ESR2: variants seen among roughly 807,000 people sequenced by gnomAD.
ESR2 encodes the protein estrogen receptor beta.
Under a neutral mutation model 49.6 loss-of-function variants are expected in ESR2, and 36 were observed. The observed-to-expected ratio is 0.73, with a 90% CI of 0.56 to 0.96. The LOEUF is 0.96. Ranked by LOEUF, ESR2 falls within the 40% of genes least tolerant of loss-of-function variation. ESR2 has a pLI of 0.00. For synonymous variants in ESR2, 320 were observed against 266.1 expected, an observed-to-expected ratio of 1.20 and a Z score of -1.97; for missense variants, 714 against 693.0, an observed-to-expected ratio of 1.03 and a Z score of -0.34.
chr14:64,234,049 A>C (rs2098729956), intron 8 of ESR2: 1 of 152,150 alleles, frequency 6.6e-6, no homozygotes, highest in African/African-American at 2.4e-5. Flanking sequence ...AATTTCTGCC[A>C]CTCTGTTCAT....
chr14:64,271,562 G>A (rs1484016978), intron 3 of ESR2, among the ~76,000 whole-genome samples: 2 of 152,200 alleles, frequency 1.3e-5, no homozygotes, highest in African/African-American at 4.8e-5. Flanking sequence ...CTGAGCTCAG[G>A]CAATCTGCCT....
intron 2 of ESR2, among the ~76,000 whole-genome samples, chr14:64,280,791 C>A (rs1454098265): frequency 5.3e-5 from 8 of 152,242 alleles, no homozygotes; most frequent in East Asian, 3.8e-4. Context: ...GGGCGTATCA[C>A]CTGAGGCCAG....
At chr14:64,304,456 CA>C (rs1285890289) in intron 1 of ESR2, among the ~76,000 whole-genome samples, 2 of 152,150 alleles carry the variant, frequency 1.3e-5, no homozygotes, top group African/African-American at 4.8e-5. Flanking sequence ...AAAAACAAGG[CA>C]AAAGTTGCAG....
intron 1 of ESR2, among the ~76,000 whole-genome samples, chr14:64,290,905 T>G (rs149257351): frequency 1.3e-5 from 2 of 152,188 alleles, no homozygotes; most frequent in Non-Finnish European, 2.9e-5. Flanking sequence ...TTGGCGCTTA[T>G]TTAGTTGGAT....
At position 64,231,543 on chromosome 14, in the gene ESR2, A is replaced by G. The variant is rs974630189; in HGVS notation, c.*1594T>C. The G allele has an allele frequency of 6.6e-6, 1 of 152,226 alleles. No homozygotes were observed. Among genetic ancestry groups the G allele is most frequent in the African/African-American group, 2.4e-5 (1 of 41,448 alleles). 9.4% of individuals were successfully genotyped at this position (152,226 alleles called of 1,614,324 possible). ...TTTCTGAAACAGCTAAGCTCAACTT[A>G]TAGTAAAATTGCACCAATATCAAAA... On this transcript the variant is annotated 3_prime_UTR_variant, in exon 9 of 9. Transcript: ENST00000341099.
chr14:64,293,079 A>G (rs1289600025), intron 1 of ESR2, among the ~76,000 whole-genome samples: 1 of 152,222 alleles, frequency 6.6e-6, no homozygotes, highest in African/African-American at 2.4e-5. Context: ...AGATCCTTAT[A>G]GTTTCCTTCT....
intron 7 of ESR2, among the ~76,000 whole-genome samples, chr14:64,248,505 C>CA (rs56108535): frequency 0.13 from 11,167 of 86,992 alleles, 866 homozygotes; most frequent in African/African-American, 0.24. Flanking sequence ...GATCCTGTCT[C>CA]AAAAAAAAAA....
At chr14:64,240,666 T>C (rs2075702112) in intron 7 of ESR2, among the ~76,000 whole-genome samples, 1 of 152,250 alleles carries the variant, frequency 6.6e-6, no homozygotes, top group South Asian at 2.1e-4. Flanking sequence ...TGCAAGTTTT[T>C]GCATTCAGTA....
rs1166141385 is a variant in ESR2, at chr14:64,294,234, G to C, written c.-292C>G. 2 of 152,246 alleles carry C rather than the reference G, an allele frequency of 1.3e-5. No individual in the cohort carries two copies. The highest frequency in any genetic ancestry group is 2.4e-5 in the African/African-American group (1 of 41,424). The allele number at this position is 152,246 out of a possible 1,614,324, so 9.4% of individuals were successfully genotyped here. On this transcript the variant is annotated 5_prime_UTR_variant, in exon 1 of 9. Coordinates refer to ENST00000341099, the MANE Select transcript of ESR2 (RefSeq NM_001437.3). ...GCTCGGGTGGTCCCTCCCCGGCCCAGCGCTCGCCGCCTGCTCTTCGCCCTG... is the reference window on the plus strand; with the variant it reads ...GCTCGGGTGGTCCCTCCCCGGCCCACCGCTCGCCGCCTGCTCTTCGCCCTG...
intron 1 of ESR2, among the ~76,000 whole-genome samples, chr14:64,323,033 A>G (rs2077343713): frequency 6.6e-6 from 1 of 152,240 alleles, no homozygotes; most frequent in African/African-American, 2.4e-5. Context: ...TATTTTTATT[A>G]GAATGATCTT....
intron 6 of ESR2, among the ~76,000 whole-genome samples, chr14:64,253,960 ACAGT>A (rs1163279739): frequency 2.0e-5 from 3 of 152,122 alleles, no homozygotes; most frequent in Non-Finnish European, 4.4e-5. Context: ...GAGCAATTAG[ACAGT>A]CAGGTTCTTT....
chr14:64,235,205 G>A (rs768954462), intron 7 of ESR2, 55 bp from the exon 8 acceptor site: 240 of 1,570,556 alleles, frequency 1.5e-4, no homozygotes, highest in Non-Finnish European at 1.8e-4. Flanking sequence ...AGCAGAAGTC[G>A]TGTGCTCAGC....
intron 4 of ESR2, among the ~76,000 whole-genome samples, chr14:64,265,583 T>C (rs1357287227): frequency 6.6e-6 from 1 of 152,216 alleles, no homozygotes; most frequent in East Asian, 1.9e-4. Context: ...TATATAAAGA[T>C]ATGGCACCCA....
At chr14:64,244,131 G>T (rs2075799420) in intron 7 of ESR2, among the ~76,000 whole-genome samples, 1 of 152,180 alleles carries the variant, frequency 6.6e-6, no homozygotes, top group African/African-American at 2.4e-5. Context: ...AGGCACAGTG[G>T]CTCACACCTG....
rs1466431905 is a variant in ESR2, at chr14:64,239,426, C to T, written c.1226-4276G>A. Reference sequence around the variant, plus strand: ...TAAAATAGGATTTCCTGGCTTAACCCCTCTATTTCTTTCATTTAATGAAAA... The same window carrying T: ...TAAAATAGGATTTCCTGGCTTAACCTCTCTATTTCTTTCATTTAATGAAAA... On this transcript the variant is annotated intron_variant, in intron 7 of 8. Coordinates refer to ENST00000341099, the MANE Select transcript of ESR2 (RefSeq NM_001437.3). Among the ~76,000 whole-genome samples, 5 of 152,164 alleles carry T rather than the reference C, an allele frequency of 3.3e-5. No individual in the cohort carries two copies. The East Asian group carries it at 9.6e-4, about 29-fold the overall frequency.
chr14:64,276,620 C>T (rs2076563018), intron 3 of ESR2, among the ~76,000 whole-genome samples: 1 of 152,028 alleles, frequency 6.6e-6, no homozygotes, highest in Non-Finnish European at 1.5e-5. Flanking sequence ...AAAACATATC[C>T]AGAGAAACTT....
At position 64,282,743 on chromosome 14, in the gene ESR2, T is replaced by C; in HGVS notation, c.243A>G (p.Pro81=). 1 of 1,614,248 alleles carries C rather than the reference T, an allele frequency of 6.2e-7. No homozygotes were observed. Among genetic ancestry groups the C allele is most frequent in the Non-Finnish European group, 8.5e-7 (1 of 1,180,042 alleles). ...RQTTSPNVLW[P]TPGHLSPLVV... ...CTAAAGGAGAAAGGTGCCCAGGTGT[T>C]GGCCACAACACATTTGGGCTTGTGG... The change falls in exon 2 of 9, where the codon CCA becomes CCG. Residue 81 remains proline (P), a synonymous_variant. Transcript: ENST00000341099.
At chr14:64,295,873 G>A (rs540248952), upstream of ESR2, among the ~76,000 whole-genome samples, 87 of 152,096 alleles carry the variant, frequency 5.7e-4, no homozygotes, top group South Asian at 9.5e-3. Flanking sequence ...GTGAAACCTC[G>A]TCTCTACTAA....
chr14:64,302,007 T>C (rs1013096557), intron 1 of ESR2, among the ~76,000 whole-genome samples: 1 of 151,946 alleles, frequency 6.6e-6, no homozygotes, highest in African/African-American at 2.4e-5. Context: ...GAGTGTGTTG[T>C]GGAACTCTGC....
Sources: gnomAD v4.1 joint callset for allele counts (sites outside exome capture counted in the v4.1 genomes callset) on GRCh38, gnomAD v4.1.1 for gene constraint, MANE v1.5 for transcripts, NCBI Gene and HGNC (gene_info 2026-07-23, HGNC 2026-07-21) for gene names.